OTOA: variants seen among roughly 807,000 people sequenced by gnomAD.
OTOA encodes otoancorin, also known as cancer/testis antigen 108.
A neutral mutation model predicts 110.8 loss-of-function variants in OTOA; 70 were observed. The observed-to-expected ratio is 0.63, with a 90% CI of 0.52 to 0.77. OTOA has a LOEUF of 0.77. Ranked by LOEUF, OTOA falls within the 30% of genes least tolerant of loss-of-function variation. The pLI, the probability that OTOA is intolerant of heterozygous loss-of-function variation, is 0.00. For synonymous variants in OTOA, 373 were observed against 431.5 expected (o/e 0.86, Z 1.68); for missense variants, 917 against 1,075.8 (o/e 0.85, Z 2.06).
At chr16:21,750,020 G>A (rs1899778663) in intron 24 of OTOA, among the ~76,000 whole-genome samples, 1 of 151,448 alleles carries the variant, frequency 6.6e-6, no homozygotes, top group African/African-American at 2.4e-5. Flanking sequence ...CATAGGATTG[G>A]CTTGGATGCC....
intron 13 of OTOA, among the ~76,000 whole-genome samples, chr16:21,711,192 T>A (rs1206912013): frequency 6.6e-6 from 1 of 152,198 alleles, no homozygotes; most frequent in Non-Finnish European, 1.5e-5. Flanking sequence ...TTTTCCTGCC[T>A]GCTGTTAAGC....
Position 21,707,572 on chromosome 16 carries a change from CCCTA to C in OTOA, c.1104+2284_1104+2287del, listed in dbSNP as rs1446122100. On this transcript the variant is annotated intron_variant, in intron 12 of 28. Transcript: ENST00000646100. ...TCCCTTCCTCCCTCCCTCCCTCCCTCCCTACCTTCCTTCTCCTTCCTTTTCTTTC... is the reference window on the plus strand; with the variant it reads ...TCCCTTCCTCCCTCCCTCCCTCCCTCCCTTCCTTCTCCTTCCTTTTCTTTC... 4.0e-5 allele frequency among the ~76,000 whole-genome samples: 6 copies of C among 148,286 alleles called. No homozygotes were observed. In the East Asian group the frequency reaches 6.1e-4, roughly 15 times the overall value.
chr16:21,719,489 G>T lies in OTOA; in HGVS notation c.1791G>T (p.Leu597=), dbSNP rs142579999. 4 of 1,613,956 alleles carry T rather than the reference G, an allele frequency of 2.5e-6. No individual in the cohort carries two copies. The highest frequency in any genetic ancestry group is 1.7e-6 in the Non-Finnish European group (2 of 1,179,912). ...HFQDFQNNFA[L]LSPYQVNCLA... is the part of the protein sequence containing the mutation. ...AGGATTTTCAGAACAACTTCGCCCT[G>T]CTTTCACCCTATCAGGTACCGTTAA... The change falls in exon 17 of 29, where the codon CTG becomes CTT. Residue 597 remains leucine, a synonymous_variant. Transcript: ENST00000646100.
At chr16:21,666,125 A>G (rs966072102) in intron 1 of OTOA, among the ~76,000 whole-genome samples, 4 of 152,098 alleles carry the variant, frequency 2.6e-5, no homozygotes, top group African/African-American at 9.7e-5. Context: ...GCCTGGGCCT[A>G]CTGGACTTCT....
At chr16:21,675,500 G>T (rs900824022) in intron 1 of OTOA, among the ~76,000 whole-genome samples, 10 of 151,302 alleles carry the variant, frequency 6.6e-5, no homozygotes, top group African/African-American at 2.2e-4. Flanking sequence ...CCTTTCCTGG[G>T]ACTCCAGTTA....
chr16:21,677,695 G>T (rs1966861964), intron 1 of OTOA, among the ~76,000 whole-genome samples: 1 of 151,798 alleles, frequency 6.6e-6, no homozygotes, highest in African/African-American at 2.4e-5. Context: ...TGTTAGCCAG[G>T]ATGGTCTGGA....
chr16:21,669,653 A>G (rs1413458683), intron 1 of OTOA, among the ~76,000 whole-genome samples: 1 of 152,024 alleles, frequency 6.6e-6, no homozygotes, highest in Non-Finnish European at 1.5e-5. Flanking sequence ...TATTCCCTAC[A>G]TTCGATCTTT....
At chr16:21,708,303 G>T (rs918141572) in intron 12 of OTOA, among the ~76,000 whole-genome samples, 1 of 152,126 alleles carries the variant, frequency 6.6e-6, no homozygotes, top group Non-Finnish European at 1.5e-5. Flanking sequence ...GCACAATAGG[G>T]TTTGCTCTTA....
At chr16:21,673,438 A>T (rs2141648198) in intron 1 of OTOA, among the ~76,000 whole-genome samples, 1 of 152,252 alleles carries the variant, frequency 6.6e-6, no homozygotes, top group Non-Finnish European at 1.5e-5. Flanking sequence ...TGGTGATCAC[A>T]AGCCTCTTTC....
chr16:21,670,553 G>A (rs557009778), intron 1 of OTOA, among the ~76,000 whole-genome samples: 1 of 152,026 alleles, frequency 6.6e-6, no homozygotes, highest in African/African-American at 2.4e-5. Flanking sequence ...ATCACTCCCT[G>A]ACATAATATA....
chr16:21,759,912 T>G (rs483645), intron 28 of OTOA, among the ~76,000 whole-genome samples: 78 of 151,160 alleles, frequency 5.2e-4, no homozygotes, highest in South Asian at 1.9e-3. Context: ...ATTTTTTTTT[T>G]TAATGGATGT....
rs186092865 is a variant in OTOA at position 21,691,698 on chromosome 16, A to G, written c.739+11A>G. On this transcript the variant is annotated intron_variant, in intron 9 of 28. Transcript: ENST00000646100. ...CCTCCAATGCCACTGGTGAGCCTGT[A>G]CTTGGAGGTGGGGTCACTTTTTGGG... The G allele has an allele frequency of 1.8e-4, 284 of 1,607,888 alleles. 3 individuals carry two copies. The highest frequency in any genetic ancestry group is 1.2e-3 in the Middle Eastern group (7 of 6,046).
chr16:21,722,685 C>T (rs560993668), intron 17 of OTOA, among the ~76,000 whole-genome samples: 3 of 152,206 alleles, frequency 2.0e-5, no homozygotes, highest in African/African-American at 4.8e-5. Flanking sequence ...AGCAAAATTG[C>T]GATGAGCATT....
intron 11 of OTOA, among the ~76,000 whole-genome samples, chr16:21,702,976 T>C (rs1455177192): frequency 1.3e-5 from 2 of 152,176 alleles, no homozygotes; most frequent in African/African-American, 4.8e-5. Context: ...GCCAAGCCTA[T>C]TTTTCTTTTA....
intron 11 of OTOA, among the ~76,000 whole-genome samples, chr16:21,703,324 G>GT (rs1461743092): frequency 6.6e-6 from 1 of 151,954 alleles, no homozygotes. Context: ...TGAGTATGAC[G>GT]TTTGTTTATT....
intron 17 of OTOA, 144 bp from the exon 18 acceptor site, chr16:21,722,761 C>A: frequency 1.4e-6 from 1 of 737,936 alleles, no homozygotes; most frequent in Non-Finnish European, 2.5e-6. Context: ...AAACTGGGCA[C>A]AGTAGTGGTA....
intron 13 of OTOA, among the ~76,000 whole-genome samples, chr16:21,710,335 C>G (rs1437652577): frequency 1.3e-5 from 2 of 152,140 alleles, no homozygotes; most frequent in Non-Finnish European, 2.9e-5. Flanking sequence ...GTGTGCTCAC[C>G]TGACCACATG....
intron 21 of OTOA, among the ~76,000 whole-genome samples, chr16:21,735,324 A>T (rs1197262806): frequency 6.6e-6 from 1 of 151,894 alleles, no homozygotes; most frequent in East Asian, 1.9e-4. Context: ...CAAGAGCGTG[A>T]TGGGGGAGGT....
chr16:21,748,797 T>TTTTA (rs1555503488), intron 24 of OTOA: 1 of 152,282 alleles, frequency 6.6e-6, no homozygotes. Context: ...TCAGATGTTG[T>TTTTA]TTCATTCATT....
Sources: gnomAD v4.1 joint callset for allele counts (sites outside exome capture counted in the v4.1 genomes callset) on GRCh38, gnomAD v4.1.1 for gene constraint, MANE v1.5 for transcripts, NCBI Gene and HGNC (gene_info 2026-07-23, HGNC 2026-07-21) for gene names.